The following PIK3C2G variants were observed in gnomAD, a reference collection of about 807,000 sequenced individuals.
PIK3C2G encodes phosphatidylinositol 3-kinase C2 domain-containing subunit gamma.
In PIK3C2G, 168 loss-of-function variants were observed where a neutral mutation model predicts 181.1. That is an observed-to-expected ratio of 0.93 (90% CI 0.82 to 1.05). The LOEUF is 1.05. Among genes scored for constraint, PIK3C2G ranks in the 50% least tolerant of loss-of-function variants. The pLI, the probability that PIK3C2G is intolerant of heterozygous loss-of-function variation, is 0.00. For missense variants in PIK3C2G, 1,869 were observed against 1,732.8 expected (o/e 1.08, Z -1.40); for synonymous variants, 573 against 592.2 (o/e 0.97, Z 0.47).
chr12:18,449,372 T>A (rs907927898), intron 18 of PIK3C2G, among the ~76,000 whole-genome samples: 1 of 152,136 alleles, frequency 6.6e-6, no homozygotes, highest in African/African-American at 2.4e-5. Context: ...GCCATGGTAG[T>A]TTGCTGCACC....
chr12:18,308,713 CT>C, intron 5 of PIK3C2G, among the ~76,000 whole-genome samples: 2 of 151,618 alleles, frequency 1.3e-5, no homozygotes, highest in Admixed American at 1.3e-4. Flanking sequence ...TTTGTGTGGA[CT>C]TTGTCTATCA....
At chr12:18,522,471 C>G (rs529237966) in intron 24 of PIK3C2G, among the ~76,000 whole-genome samples, 1 of 151,532 alleles carries the variant, frequency 6.6e-6, no homozygotes, top group East Asian at 1.9e-4. Flanking sequence ...TTTATTTTTT[C>G]CCTCATTTCT....
At chr12:18,636,629 C>A (rs1949616839) in intron 31 of PIK3C2G, among the ~76,000 whole-genome samples, 1 of 152,124 alleles carries the variant, frequency 6.6e-6, no homozygotes, top group Non-Finnish European at 1.5e-5. Context: ...AGCAGTGAAA[C>A]CACATCTAGT....
intron 31 of PIK3C2G, among the ~76,000 whole-genome samples, chr12:18,631,228 AGTTTC>A (rs997886641): frequency 1.7e-4 from 26 of 152,296 alleles, no homozygotes; most frequent in African/African-American, 6.0e-4. Context: ...GGGGAAGAGA[AGTTTC>A]TCTTAAAGAT....
intron 16 of PIK3C2G, among the ~76,000 whole-genome samples, chr12:18,417,097 G>A (rs1184104327): frequency 6.6e-6 from 1 of 152,090 alleles, no homozygotes; most frequent in Non-Finnish European, 1.5e-5. Flanking sequence ...GACAGTAAGG[G>A]GTTCAGGTCT....
the PIK3C2G span, among the ~76,000 whole-genome samples, chr12:18,673,320 T>C: frequency 6.6e-6 from 1 of 152,134 alleles, no homozygotes. Context: ...ATATAAGTTA[T>C]TGAAATGAAA....
At chr12:18,723,559 T>C in the PIK3C2G span, 1 of 1,575,798 alleles carries the variant, frequency 6.3e-7, no homozygotes, top group Non-Finnish European at 8.7e-7. Flanking sequence ...AAAAAATGAC[T>C]GGTGGGCTCA....
intron 24 of PIK3C2G, among the ~76,000 whole-genome samples, chr12:18,527,810 TG>T (rs981742213): frequency 1.3e-5 from 2 of 152,140 alleles, no homozygotes; most frequent in Non-Finnish European, 2.9e-5. Flanking sequence ...AAGAAATAGT[TG>T]TTTTAATCAC....
the PIK3C2G span, chr12:18,719,379 A>C: frequency 6.4e-6 from 7 of 1,092,454 alleles, no homozygotes; most frequent in Non-Finnish European, 8.7e-6. Context: ...AGACACTGCC[A>C]GGAACTTCCA....
rs145186141 is a variant in PIK3C2G at position 18,367,395 on chromosome 12, T to C, written c.1749-3785T>C. On this transcript the variant is annotated intron_variant, in intron 12 of 32. Transcript: ENST00000538779. ...TATCTAGGTATCCAATTTAATATTTTAATCTAAAATTTGACAGTCTTTAAC... is the reference window on the plus strand; with the variant it reads ...TATCTAGGTATCCAATTTAATATTTCAATCTAAAATTTGACAGTCTTTAAC... Among the ~76,000 whole-genome samples, 1,003 of 152,282 alleles carry C rather than the reference T, an allele frequency of 6.6e-3. 10 individuals carry two copies. The highest frequency in any genetic ancestry group is 0.023 in the African/African-American group (965 of 41,562).
intron 9 of PIK3C2G, among the ~76,000 whole-genome samples, chr12:18,340,134 A>ATATAATATAATCATATTTTTCTAT (rs1476220348): frequency 1.3e-5 from 2 of 152,170 alleles, no homozygotes; most frequent in African/African-American, 4.8e-5. Context: ...ATTTGATCAT[A>ATATAATATAATCATATTTTTCTAT]TATAATATAA....
intron 23 of PIK3C2G, 40 bp downstream of exon 23, chr12:18,503,457 A>G: frequency 1.4e-6 from 2 of 1,424,834 alleles, no homozygotes; most frequent in Non-Finnish European, 1.9e-6. Flanking sequence ...ATGTACTTAA[A>G]TAAGAATATG....
chr12:18,525,763 A>G (rs918506389), intron 24 of PIK3C2G, among the ~76,000 whole-genome samples: 1 of 152,246 alleles, frequency 6.6e-6, no homozygotes, highest in African/African-American at 2.4e-5. Context: ...TTAAATATTC[A>G]TCACTGCATA....
chr12:18,569,248 C>A (rs1288499439), intron 29 of PIK3C2G, among the ~76,000 whole-genome samples: 1 of 151,978 alleles, frequency 6.6e-6, no homozygotes, highest in Admixed American at 6.6e-5. Flanking sequence ...GGCAGAGAAA[C>A]CAAAAAGATC....
intron 25 of PIK3C2G, among the ~76,000 whole-genome samples, chr12:18,539,694 AG>A (rs1323690199): frequency 5.3e-5 from 8 of 151,856 alleles, no homozygotes; most frequent in Non-Finnish European, 8.8e-5. Flanking sequence ...CTTTGTTGCA[AG>A]GAAGATTTGA....
At chr12:18,397,118 A>G (rs572716497) in intron 15 of PIK3C2G, among the ~76,000 whole-genome samples, 1 of 152,076 alleles carries the variant, frequency 6.6e-6, no homozygotes, top group South Asian at 2.1e-4. Context: ...AGAAAGCCAG[A>G]GACCTATTTG....
chr12:18,339,979 A>C (rs2137608264), intron 9 of PIK3C2G, among the ~76,000 whole-genome samples: 1 of 152,196 alleles, frequency 6.6e-6, no homozygotes, highest in Non-Finnish European at 1.5e-5. Context: ...TATTTCCCTA[A>C]ATTTTTCTTA....
downstream of PIK3C2G, among the ~76,000 whole-genome samples, chr12:18,652,426 A>T (rs1042401068): frequency 6.6e-6 from 1 of 152,172 alleles, no homozygotes; most frequent in African/African-American, 2.4e-5. Context: ...CAAAAGAGGC[A>T]TGGCAGAGAT....
chr12:18,649,174 TC>T (rs143773531), downstream of PIK3C2G, among the ~76,000 whole-genome samples: 810 of 152,250 alleles, frequency 5.3e-3, 9 homozygotes, highest in African/African-American at 0.019. Flanking sequence ...CAGCAACTCC[TC>T]CCCTAATCCT....
Sources: allele counts gnomAD v4.1 joint callset (sites outside exome capture counted in the v4.1 genomes callset), GRCh38; gene constraint gnomAD v4.1.1; transcripts MANE v1.5; gene names NCBI Gene and HGNC (gene_info 2026-07-23, HGNC 2026-07-21).